The following CTNNA3 variants were observed in gnomAD, a reference collection of about 807,000 sequenced individuals.
CTNNA3 encodes the protein catenin alpha-3.
A neutral mutation model predicts 95.7 loss-of-function variants in CTNNA3; 76 were observed. The ratio of observed to expected loss-of-function variants is 0.79; its 90% confidence interval spans 0.66 to 0.96. The LOEUF is 0.96. CTNNA3 is among the 40% of genes least tolerant of loss of function. The probability of loss-of-function intolerance (pLI) is 0.00; values close to 1 mark genes in which losing one functional copy is unlikely to be tolerated. For synonymous variants in CTNNA3, 431 were observed against 374.4 expected (o/e 1.15, Z -1.74); for missense variants, 1,191 against 1,089.8 (o/e 1.09, Z -1.31).
intron 7 of CTNNA3, among the ~76,000 whole-genome samples, chr10:66,831,122 C>G (rs1842706622): frequency 6.6e-6 from 1 of 152,180 alleles, no homozygotes; most frequent in Non-Finnish European, 1.5e-5. Flanking sequence ...TTCACCTGGA[C>G]TACTACAATA....
intron 5 of CTNNA3, 100 bp downstream of exon 5, chr10:67,521,742 G>T (rs1839993904): frequency 7.0e-7 from 1 of 1,427,216 alleles, no homozygotes; most frequent in Non-Finnish European, 9.5e-7. Context: ...CTAACCATTA[G>T]AAGATAAGTT....
intron 7 of CTNNA3, among the ~76,000 whole-genome samples, chr10:66,911,756 T>C (rs963371520): frequency 1.3e-5 from 2 of 152,214 alleles, no homozygotes; most frequent in Non-Finnish European, 2.9e-5. Flanking sequence ...ATGTCACTAC[T>C]ACTTGGTATT....
At chr10:67,130,478 T>C (rs1032139039) in intron 7 of CTNNA3, among the ~76,000 whole-genome samples, 1 of 152,100 alleles carries the variant, frequency 6.6e-6, no homozygotes, top group East Asian at 1.9e-4. Context: ...ACATTAGAAG[T>C]CACTCTGAGA....
chr10:67,121,062 A>C (rs1394602525), intron 7 of CTNNA3, among the ~76,000 whole-genome samples: 1 of 152,070 alleles, frequency 6.6e-6, no homozygotes, highest in Non-Finnish European at 1.5e-5. Flanking sequence ...GCAAGATTCC[A>C]AAACCTTTAT....
At chr10:67,148,695 T>TA (rs1439053987) in intron 7 of CTNNA3, among the ~76,000 whole-genome samples, 1 of 152,180 alleles carries the variant, frequency 6.6e-6, no homozygotes, top group Non-Finnish European at 1.5e-5. Flanking sequence ...ACCCTCTTCT[T>TA]ACATGTGGGA....
intron 13 of CTNNA3, among the ~76,000 whole-genome samples, chr10:66,199,907 C>A (rs1274576680): frequency 7.1e-6 from 1 of 141,046 alleles, no homozygotes; most frequent in East Asian, 2.1e-4. Flanking sequence ...CCACCTTGGT[C>A]TCCCGAAGTG....
intron 14 of CTNNA3, among the ~76,000 whole-genome samples, chr10:66,099,259 C>T (rs979790868): frequency 1.3e-4 from 20 of 152,162 alleles, no homozygotes; most frequent in Admixed American, 2.6e-4. Context: ...GACTTCTCAA[C>T]AGAATCTCCT....
intron 13 of CTNNA3, among the ~76,000 whole-genome samples, chr10:66,135,176 A>G (rs1035148613): frequency 6.6e-6 from 1 of 152,194 alleles, no homozygotes; most frequent in African/African-American, 2.4e-5. Flanking sequence ...TGACACCTCA[A>G]TTGCAACAAA....
intron 12 of CTNNA3, among the ~76,000 whole-genome samples, chr10:66,337,708 A>G (rs1366273902): frequency 6.6e-6 from 1 of 152,172 alleles, no homozygotes; most frequent in Non-Finnish European, 1.5e-5. Context: ...ATGTCATTTC[A>G]TAGCCACTAA....
intron 3 of CTNNA3, among the ~76,000 whole-genome samples, chr10:67,554,655 C>T (rs1047348867): frequency 4.6e-5 from 7 of 152,084 alleles, no homozygotes; most frequent in African/African-American, 1.4e-4. Flanking sequence ...TGTATATTAG[C>T]CTTTTGTCAG....
intron 1 of CTNNA3, among the ~76,000 whole-genome samples, chr10:67,710,929 G>A (rs552495427): frequency 1.4e-4 from 21 of 152,284 alleles, no homozygotes; most frequent in Admixed American, 6.5e-4. Flanking sequence ...CACGTGTTGT[G>A]GGAGGGACCA....
intron 13 of CTNNA3, 133 bp downstream of exon 13, chr10:66,280,337 G>T: frequency 1.3e-6 from 1 of 752,728 alleles, no homozygotes; most frequent in Non-Finnish European, 2.1e-6. Context: ...GGATACATAT[G>T]AACTTCTAAA....
At chr10:67,040,417 A>C (rs556966798) in intron 7 of CTNNA3, among the ~76,000 whole-genome samples, 136 of 152,234 alleles carry the variant, frequency 8.9e-4, no homozygotes, top group Non-Finnish European at 1.8e-3. Context: ...CACAAAGGTC[A>C]AACAATTTGG....
chr10:66,635,559 A>G (rs1482773111), intron 9 of CTNNA3, among the ~76,000 whole-genome samples: 2 of 152,164 alleles, frequency 1.3e-5, no homozygotes, highest in African/African-American at 4.8e-5. Flanking sequence ...CAGTGAGTCT[A>G]TTTCTGAATC....
chr10:67,651,576 C>A (rs1839879263), intron 1 of CTNNA3, among the ~76,000 whole-genome samples: 2 of 152,178 alleles, frequency 1.3e-5, no homozygotes, highest in Admixed American at 6.5e-5. Flanking sequence ...TGTTACAAAT[C>A]TCTTTCCAGA....
chr10:67,136,813 G>C (rs983485194), intron 7 of CTNNA3, among the ~76,000 whole-genome samples: 3 of 152,160 alleles, frequency 2.0e-5, no homozygotes, highest in African/African-American at 7.2e-5. Flanking sequence ...CTAGCAGGGG[G>C]AAGGAAGAGT....
chr10:67,373,228 C>A (rs1470691983), intron 5 of CTNNA3, among the ~76,000 whole-genome samples: 1 of 151,998 alleles, frequency 6.6e-6, no homozygotes, highest in Non-Finnish European at 1.5e-5. Flanking sequence ...TTCAGGAAAC[C>A]CATCTCACAT....
intron 7 of CTNNA3, among the ~76,000 whole-genome samples, chr10:66,799,679 G>A (rs896507456): frequency 2.6e-5 from 4 of 151,112 alleles, no homozygotes; most frequent in African/African-American, 7.3e-5. Context: ...TAGAGAAAAT[G>A]AAACTGAAAG....
At chr10:67,693,396 A>G (rs1271760479) in intron 1 of CTNNA3, among the ~76,000 whole-genome samples, 2 of 152,228 alleles carry the variant, frequency 1.3e-5, no homozygotes, top group African/African-American at 4.8e-5. Flanking sequence ...CCATGAGCCA[A>G]TGATCCATAA....
Sources: gnomAD v4.1 joint callset for allele counts (sites outside exome capture counted in the v4.1 genomes callset) on GRCh38, gnomAD v4.1.1 for gene constraint, MANE v1.5 for transcripts, NCBI Gene and HGNC (gene_info 2026-07-23, HGNC 2026-07-21) for gene names.